The following ANXA3 variants were observed in gnomAD, a reference collection of about 807,000 sequenced individuals.
ANXA3 encodes annexin A3.
A neutral mutation model predicts 48.8 loss-of-function variants in ANXA3; 46 were observed. The observed-to-expected ratio is 0.94, with a 90% CI of 0.74 to 1.21. The LOEUF (loss-of-function observed/expected upper bound fraction) is 1.21. ANXA3 is among the 50% of genes most tolerant of loss of function. ANXA3 has a pLI of 0.00. For synonymous variants in ANXA3, 128 were observed against 134.7 expected, an observed-to-expected ratio of 0.95 and a Z score of 0.35; for missense variants, 383 against 378.6, an observed-to-expected ratio of 1.01 and a Z score of -0.10.
chr4:78,557,145 G>T (rs151264348), intron 2 of ANXA3, among the ~76,000 whole-genome samples: 126 of 152,282 alleles, frequency 8.3e-4, no homozygotes, highest in African/African-American at 3.0e-3. Flanking sequence ...TGAGTTCTTA[G>T]TGCTTGCTGG....
At chr4:78,567,187 C>G (rs1415542478) in intron 2 of ANXA3, among the ~76,000 whole-genome samples, 4 of 152,242 alleles carry the variant, frequency 2.6e-5, no homozygotes, top group Admixed American at 1.3e-4. Flanking sequence ...GTATTTTTCT[C>G]TGGCCTTTAC....
intron 5 of ANXA3, among the ~76,000 whole-genome samples, chr4:78,584,515 C>T (rs1039092524): frequency 2.6e-5 from 4 of 152,002 alleles, no homozygotes; most frequent in African/African-American, 7.3e-5. Context: ...TATCTTTTTT[C>T]ATCTAACTAA....
At chr4:78,588,366 C>T (rs967499752) in intron 6 of ANXA3, among the ~76,000 whole-genome samples, 5 of 152,138 alleles carry the variant, frequency 3.3e-5, no homozygotes, top group Non-Finnish European at 7.4e-5. Flanking sequence ...GCACTCCAGC[C>T]TGCGTGACAG....
chr4:78,602,478 C>T (rs1322689444), intron 11 of ANXA3: 1 of 152,134 alleles, frequency 6.6e-6, no homozygotes, highest in Non-Finnish European at 1.5e-5. Flanking sequence ...GAATGCCAAA[C>T]CTCAAGCTTG....
At chr4:78,583,008 A>C (rs1336947134) in intron 5 of ANXA3, among the ~76,000 whole-genome samples, 1 of 152,106 alleles carries the variant, frequency 6.6e-6, no homozygotes, top group Non-Finnish European at 1.5e-5. Flanking sequence ...GTTCCCTCAG[A>C]GAAGCAGAAC....
At chr4:78,595,514 G>A in intron 8 of ANXA3, 77 bp downstream of exon 8, 1 of 1,411,512 alleles carries the variant, frequency 7.1e-7, no homozygotes, top group Non-Finnish European at 9.8e-7. Flanking sequence ...TGAAAAGGGA[G>A]AAAAATAGCA....
chr4:78,599,854 G>A (rs1242230100), intron 10 of ANXA3, among the ~76,000 whole-genome samples: 1 of 152,076 alleles, frequency 6.6e-6, no homozygotes, highest in East Asian at 1.9e-4. Flanking sequence ...GAACCCAGGA[G>A]GTCGAGGCTC....
chr4:78,601,860 A>T (rs993531816), intron 11 of ANXA3: 7 of 242,800 alleles, frequency 2.9e-5, no homozygotes, highest in African/African-American at 1.6e-4. Context: ...TGATGAGTTT[A>T]AGTAGATGCT....
At chr4:78,589,095 A>C (rs1216042732) in intron 6 of ANXA3, among the ~76,000 whole-genome samples, 1 of 152,132 alleles carries the variant, frequency 6.6e-6, no homozygotes, top group Non-Finnish European at 1.5e-5. Context: ...TATGAGGATG[A>C]GGATTTTCGT....
chr4:78,580,275 G>T (rs930538518), intron 4 of ANXA3, among the ~76,000 whole-genome samples: 1 of 152,146 alleles, frequency 6.6e-6, no homozygotes, highest in Admixed American at 6.5e-5. Context: ...AATACTAGGG[G>T]TTCTGCCCTG....
chr4:78,559,182 C>T (rs993457751), intron 2 of ANXA3, among the ~76,000 whole-genome samples: 1 of 152,002 alleles, frequency 6.6e-6, no homozygotes, highest in Non-Finnish European at 1.5e-5. Flanking sequence ...TGGGCTCAAG[C>T]GATCCTACTG....
At chr4:78,574,360 C>T (rs2109932973) in intron 3 of ANXA3, among the ~76,000 whole-genome samples, 1 of 152,240 alleles carries the variant, frequency 6.6e-6, no homozygotes, top group African/African-American at 2.4e-5. Context: ...GTTGAGGCTG[C>T]CCTGAGCTGT....
intron 5 of ANXA3, among the ~76,000 whole-genome samples, chr4:78,585,316 T>G (rs1723148894): frequency 6.6e-6 from 1 of 152,204 alleles, no homozygotes; most frequent in African/African-American, 2.4e-5. Flanking sequence ...TCTCCTTCTA[T>G]CTTGAGGCTC....
intron 12 of ANXA3, among the ~76,000 whole-genome samples, chr4:78,607,280 G>A (rs190511495): frequency 6.6e-6 from 1 of 152,080 alleles, no homozygotes; most frequent in Admixed American, 6.6e-5. Flanking sequence ...TTACATTTTT[G>A]CTATTGAAGA....
At chr4:78,563,729 C>A (rs1722672810) in intron 2 of ANXA3, among the ~76,000 whole-genome samples, 1 of 152,172 alleles carries the variant, frequency 6.6e-6, no homozygotes, top group Admixed American at 6.5e-5. Context: ...CAGACAGCCA[C>A]CGTTCTCTAG....
At chr4:78,586,149 T>C (rs1013874010) in intron 5 of ANXA3, 111 bp from the exon 6 acceptor site, 2 of 640,262 alleles carry the variant, frequency 3.1e-6, no homozygotes, top group Non-Finnish European at 5.2e-6. Context: ...AACCTTGTAT[T>C]GATTTACTTA....
intron 2 of ANXA3, among the ~76,000 whole-genome samples, chr4:78,567,278 C>T (rs1366245184): frequency 6.6e-6 from 1 of 152,214 alleles, no homozygotes; most frequent in African/African-American, 2.4e-5. Flanking sequence ...TATTATCTCA[C>T]AGTTCTGGAG....
chr4:78,598,262 A>G (rs1723463167), intron 10 of ANXA3, among the ~76,000 whole-genome samples: 1 of 151,624 alleles, frequency 6.6e-6, no homozygotes, highest in Admixed American at 6.6e-5. Context: ...TATTTATGAA[A>G]GATATCAGTG....
intron 2 of ANXA3, among the ~76,000 whole-genome samples, chr4:78,571,465 C>T (rs902342996): frequency 1.3e-5 from 2 of 152,156 alleles, no homozygotes; most frequent in Non-Finnish European, 2.9e-5. Flanking sequence ...TCAGTCTAAT[C>T]TAATGAATCA....
Sources: allele counts gnomAD v4.1 joint callset (sites outside exome capture counted in the v4.1 genomes callset), GRCh38; gene constraint gnomAD v4.1.1; transcripts MANE v1.5; gene names NCBI Gene and HGNC (gene_info 2026-07-23, HGNC 2026-07-21).